RAB27A: variants seen among roughly 807,000 people sequenced by gnomAD.
The protein encoded by RAB27A is RAB27A, member RAS oncogene family, also known as ras-related protein Rab-27A.
A neutral mutation model predicts 20.8 loss-of-function variants in RAB27A; 17 were observed. The ratio of observed to expected loss-of-function variants is 0.82; its 90% CI spans 0.56 to 1.23. The LOEUF is 1.23. Among genes scored for constraint, RAB27A ranks in the 50% most tolerant of loss-of-function variants. The probability of loss-of-function intolerance (pLI) is 0.00; values close to 1 mark genes in which losing one functional copy is unlikely to be tolerated. For synonymous variants in RAB27A, 85 were observed against 92.8 expected, an observed-to-expected ratio of 0.92 and a Z score of 0.48; for missense variants, 277 against 266.7, an observed-to-expected ratio of 1.04 and a Z score of -0.27.
chr15:55,234,000 G>A (rs1896150968), intron 3 of RAB27A, among the ~76,000 whole-genome samples: 1 of 152,112 alleles, frequency 6.6e-6, no homozygotes, highest in South Asian at 2.1e-4. Context: ...ATGGGCAAAA[G>A]GGAATGTTCT....
At chr15:55,265,842 G>A (rs1257719168) in intron 2 of RAB27A, among the ~76,000 whole-genome samples, 1 of 152,158 alleles carries the variant, frequency 6.6e-6, no homozygotes, top group Non-Finnish European at 1.5e-5. Context: ...AACAGAGGCT[G>A]AAAACATGGG....
chr15:55,299,310 AG>A (rs1186164735), intron 2 of RAB27A, among the ~76,000 whole-genome samples: 2 of 152,156 alleles, frequency 1.3e-5, no homozygotes, highest in Non-Finnish European at 2.9e-5. Context: ...TTCCCGCAAC[AG>A]GGCCGGCCAC....
chr15:55,309,181 G>A (rs1220621717), intron 2 of RAB27A, among the ~76,000 whole-genome samples: 3 of 152,112 alleles, frequency 2.0e-5, no homozygotes, highest in Admixed American at 6.5e-5. Context: ...CTATTTCACC[G>A]TACCTGGGAA....
chr15:55,318,677 G>A (rs1038787860), intron 1 of RAB27A, among the ~76,000 whole-genome samples: 1 of 145,748 alleles, frequency 6.9e-6, no homozygotes. Flanking sequence ...CTCCAGCCTG[G>A]ACTACAAGAG....
chr15:55,240,300 T>C (rs1415769967), intron 2 of RAB27A, among the ~76,000 whole-genome samples: 2 of 152,066 alleles, frequency 1.3e-5, no homozygotes, highest in East Asian at 3.9e-4. Flanking sequence ...CAACGTTGTA[T>C]GCTCACCATT....
At chr15:55,244,289 T>A (rs562987890) in intron 2 of RAB27A, among the ~76,000 whole-genome samples, 2 of 152,172 alleles carry the variant, frequency 1.3e-5, no homozygotes, top group East Asian at 3.9e-4. Flanking sequence ...CATTCCGGCC[T>A]GGGAGACAGA....
intron 6 of RAB27A, among the ~76,000 whole-genome samples, chr15:55,217,391 G>T (rs887384677): frequency 5.3e-5 from 8 of 152,058 alleles, no homozygotes; most frequent in African/African-American, 1.7e-4. Flanking sequence ...GCTGGAGGCG[G>T]TGGCTCACCT....
intron 2 of RAB27A, among the ~76,000 whole-genome samples, chr15:55,261,190 A>T (rs1418030761): frequency 6.6e-6 from 1 of 151,894 alleles, no homozygotes; most frequent in Non-Finnish European, 1.5e-5. Context: ...CGAGGTCAGG[A>T]GTTCAAAACC....
intron 2 of RAB27A, among the ~76,000 whole-genome samples, chr15:55,304,023 C>T (rs1013541190): frequency 4.6e-5 from 7 of 151,580 alleles, no homozygotes; most frequent in Admixed American, 2.6e-4. Context: ...AATAGAAAGG[C>T]GGGAAAGGTG....
intron 2 of RAB27A, among the ~76,000 whole-genome samples, chr15:55,259,258 A>T (rs1420092049): frequency 6.6e-6 from 1 of 150,804 alleles, no homozygotes; most frequent in Admixed American, 6.6e-5. Flanking sequence ...AGTCAAATTT[A>T]TTCTTTTTTA....
intron 2 of RAB27A, among the ~76,000 whole-genome samples, chr15:55,311,744 A>G (rs1028010853): frequency 1.3e-5 from 2 of 152,326 alleles, no homozygotes; most frequent in African/African-American, 2.4e-5. Flanking sequence ...GTACTGCAGA[A>G]GAATATAAGT....
At chr15:55,317,163 T>G (rs2141149351) in intron 1 of RAB27A, 1 of 152,234 alleles carries the variant, frequency 6.6e-6, no homozygotes, top group African/African-American at 2.4e-5. Context: ...AAATATACAA[T>G]AAACATTAAA....
Position 55,234,917 on chromosome 15 carries a change from A to G in RAB27A, c.18T>C (p.Tyr6=), listed in dbSNP as rs1896192594. The G allele has an allele frequency of 6.2e-7, 1 of 1,612,552 alleles. No homozygotes were observed. The highest frequency in any genetic ancestry group is 8.5e-7 in the Non-Finnish European group (1 of 1,179,270). The part of the protein sequence containing the change: MSDGD[Y]DYLIKFLALG... Reference sequence around the variant, plus strand: ...AAGCTAAAAACTTGATGAGGTAATCATAATCTCCATCAGACATAATGAAGA... The same window carrying G: ...AAGCTAAAAACTTGATGAGGTAATCGTAATCTCCATCAGACATAATGAAGA... Residue 6 remains tyrosine (Y), a synonymous_variant, in exon 3 of 7, where the codon TAT becomes TAC. Coordinates refer to ENST00000336787, the MANE Select transcript of RAB27A (RefSeq NM_183235.3).
At chr15:55,294,589 G>GAAAAAAAAAAAAAAAAAAAAA (rs1181179911), upstream of RAB27A, among the ~76,000 whole-genome samples, 1 of 29,184 alleles carries the variant, frequency 3.4e-5, no homozygotes, top group Non-Finnish European at 6.5e-5. Context: ...CCCTGTCTCC[G>GAAAAAAAAAAAAAAAAAAAAA]AAAAAAAAAA....
chr15:55,256,209 G>T (rs975809196), intron 2 of RAB27A, among the ~76,000 whole-genome samples: 1 of 152,114 alleles, frequency 6.6e-6, no homozygotes, highest in African/African-American at 2.4e-5. Context: ...GAGCCCAAGA[G>T]ATCAAAACCA....
intron 2 of RAB27A, among the ~76,000 whole-genome samples, chr15:55,312,184 C>G (rs1050238787): frequency 2.0e-5 from 3 of 152,236 alleles, no homozygotes; most frequent in African/African-American, 7.2e-5. Context: ...AGGAGCACAG[C>G]AGACACCCTG....
rs537480144 is a variant in RAB27A, at chr15:55,233,899, C to T, written c.153+883G>A. ...ATATATGTAGATTCTATCAACTACA[C>T]GTCAATACTAAAAATTTCATTAGGG... On this transcript the variant is annotated intron_variant, in intron 3 of 6. Coordinates refer to ENST00000336787, the MANE Select transcript of RAB27A (RefSeq NM_183235.3). 3.4e-4 allele frequency among the ~76,000 whole-genome samples: 52 copies of T among 152,224 alleles called. No individual in the cohort carries two copies. The South Asian group carries it at 5.8e-3, about 17-fold the overall frequency.
intron 1 of RAB27A, among the ~76,000 whole-genome samples, chr15:55,314,868 C>G (rs2055036345): frequency 6.6e-6 from 1 of 152,162 alleles, no homozygotes; most frequent in Non-Finnish European, 1.5e-5. Flanking sequence ...ATGCTATTAC[C>G]ATCAAGCTAC....
chr15:55,229,178 T>C (rs1200398530), intron 4 of RAB27A, among the ~76,000 whole-genome samples: 2 of 152,160 alleles, frequency 1.3e-5, no homozygotes, highest in Non-Finnish European at 2.9e-5. Context: ...TCCAAGGCTT[T>C]ATCCTTCTGT....
Sources: gnomAD v4.1 joint callset for allele counts (sites outside exome capture counted in the v4.1 genomes callset) on GRCh38, gnomAD v4.1.1 for gene constraint, MANE v1.5 for transcripts, NCBI Gene and HGNC (gene_info 2026-07-23, HGNC 2026-07-21) for gene names.